SNX29: variants seen among roughly 807,000 people sequenced by gnomAD.
SNX29 encodes sorting nexin-29.
A neutral mutation model predicts 102.1 loss-of-function variants in SNX29; 78 were observed. That is an observed-to-expected ratio of 0.76 (90% CI 0.64 to 0.92). SNX29 has a LOEUF of 0.92. SNX29 is among the 40% of genes least tolerant of loss of function. SNX29 has a pLI of 0.00. For missense variants in SNX29, 1,280 were observed against 1,061.7 expected (o/e 1.21, Z -2.86); for synonymous variants, 580 against 414.5 (o/e 1.40, Z -4.85).
In SNX29 at chr16:12,570,137, C is replaced by A. The variant is rs539522397; in HGVS notation, c.*1508C>A. On this transcript the variant is annotated 3_prime_UTR_variant, in exon 21 of 21. Transcript: ENST00000566228. ...GATTGTTCATGGCCTTTAAGGAAGG[C>A]TGAGATCACTCACACACAGCGCCCC... 1.9e-6 allele frequency: 2 copies of A among 1,057,944 alleles called. No homozygotes were observed. Among genetic ancestry groups the A allele is most frequent in the Non-Finnish European group, 2.3e-6 (2 of 872,846 alleles). The allele number at this position is 1,057,944 out of a possible 1,614,324, so 65.5% of individuals were successfully genotyped here.
intron 3 of SNX29, among the ~76,000 whole-genome samples, chr16:12,019,643 T>C (rs1490731626): frequency 6.6e-6 from 1 of 151,208 alleles, no homozygotes; most frequent in Non-Finnish European, 1.5e-5. Context: ...TATAATTTTT[T>C]TTTTTTTTTG....
rs187773327 is a variant in SNX29, at chr16:12,530,845, C to T, written c.2318+6004C>T. Among the ~76,000 whole-genome samples the T allele has an allele frequency of 9.2e-5, 14 of 152,320 alleles. No individual in the cohort carries two copies. The South Asian group carries it at 2.3e-3, about 25-fold the overall frequency. The stretch of plus-strand genomic sequence containing the variant: ...TGCTGGGATTACAGGCGTGAGCCAC[C>T]GTGCCTGGCCACCTTTCTTAATTTA... On this transcript the variant is annotated intron_variant, in intron 20 of 20. Transcript: ENST00000566228.
At chr16:12,165,873 T>C (rs8055714) in intron 13 of SNX29, among the ~76,000 whole-genome samples, 3 of 152,140 alleles carry the variant, frequency 2.0e-5, no homozygotes, top group Non-Finnish European at 2.9e-5. Context: ...CAGACTTTGA[T>C]TCCCTTCTGA....
chr16:12,323,796 T>C (rs556494057), intron 15 of SNX29, among the ~76,000 whole-genome samples: 3 of 152,316 alleles, frequency 2.0e-5, no homozygotes, highest in Admixed American at 6.5e-5. Flanking sequence ...TCATCTGTGA[T>C]GTGGACCTCC....
chr16:12,531,560 A>C (rs542948413), intron 20 of SNX29, among the ~76,000 whole-genome samples: 2 of 152,190 alleles, frequency 1.3e-5, no homozygotes, highest in South Asian at 4.1e-4. Flanking sequence ...GCAAGGGGGC[A>C]GCAGCGGCAT....
intron 9 of SNX29, among the ~76,000 whole-genome samples, chr16:12,064,027 G>A (rs982059450): frequency 6.6e-6 from 1 of 152,054 alleles, no homozygotes; most frequent in Non-Finnish European, 1.5e-5. Flanking sequence ...AGTTTTGAAT[G>A]TGTGTTCACA....
chr16:12,558,980 T>A (rs1279933655), intron 20 of SNX29, among the ~76,000 whole-genome samples: 1 of 152,178 alleles, frequency 6.6e-6, no homozygotes, highest in East Asian at 1.9e-4. Context: ...ATTCAGAGAC[T>A]TTAAAGAAAT....
chr16:12,555,933 C>CT (rs2078314267), intron 20 of SNX29, among the ~76,000 whole-genome samples: 1 of 152,176 alleles, frequency 6.6e-6, no homozygotes, highest in African/African-American at 2.4e-5. Flanking sequence ...GGTGTCAGGT[C>CT]TGTTTACATC....
At chr16:12,226,532 G>A (rs1481370007) in intron 14 of SNX29, among the ~76,000 whole-genome samples, 1 of 151,334 alleles carries the variant, frequency 6.6e-6, no homozygotes, top group Non-Finnish European at 1.5e-5. Flanking sequence ...TAGAAAGAGG[G>A]TTTGGGTTTC....
rs2079157589 is a variant in SNX29, at chr16:12,570,213, G to A, written c.*1584G>A. The A allele has an allele frequency of 1.6e-5, 17 of 1,065,124 alleles. No homozygotes were observed. Among genetic ancestry groups the A allele is most frequent in the Non-Finnish European group, 1.8e-5 (16 of 879,148 alleles). 66.0% of individuals were successfully genotyped at this position (1,065,124 alleles called of 1,614,324 possible). ...CTACATGACTTCCAAGGGGACCTGG[G>A]GCCAGATAAGCCCTGCCCCGGTGAG... On this transcript the variant is annotated 3_prime_UTR_variant, in exon 21 of 21. Coordinates refer to ENST00000566228, the MANE Select transcript of SNX29 (RefSeq NM_032167.5).
At chr16:12,249,625 A>G (rs2078363739) in intron 14 of SNX29, among the ~76,000 whole-genome samples, 2 of 152,212 alleles carry the variant, frequency 1.3e-5, no homozygotes, top group Admixed American at 6.5e-5. Flanking sequence ...ACCACTCTCT[A>G]TTGATAGGAC....
At chr16:12,242,629 CTCT>C (rs1271310577) in intron 14 of SNX29, among the ~76,000 whole-genome samples, 1 of 150,098 alleles carries the variant, frequency 6.7e-6, no homozygotes, top group Non-Finnish European at 1.5e-5. Context: ...CTCTCTTCTT[CTCT>C]TCTTCTTTTC....
intron 3 of SNX29, among the ~76,000 whole-genome samples, chr16:12,006,714 A>G (rs573642268): frequency 1.3e-5 from 2 of 151,776 alleles, no homozygotes; most frequent in Admixed American, 6.6e-5. Flanking sequence ...TCAACCTCCC[A>G]GGCTCAAGAT....
chr16:12,043,725 T>A (rs2049977821), intron 5 of SNX29, among the ~76,000 whole-genome samples: 1 of 143,632 alleles, frequency 7.0e-6, no homozygotes, highest in Admixed American at 7.1e-5. Flanking sequence ...AATTTTACAT[T>A]GGGGAAGGAA....
chr16:12,549,193 A>C (rs1463838345), intron 20 of SNX29, among the ~76,000 whole-genome samples: 1 of 151,872 alleles, frequency 6.6e-6, no homozygotes, highest in African/African-American at 2.4e-5. Context: ...GGGGCTAGGC[A>C]CCCCTCACGA....
intron 18 of SNX29, among the ~76,000 whole-genome samples, chr16:12,428,137 C>G (rs11647914): frequency 0.035 from 5,383 of 152,308 alleles, 158 homozygotes; most frequent in South Asian, 0.062. Context: ...TTCCCTGCCT[C>G]ATCACCCATC....
At chr16:12,000,665 A>G (rs1016283017) in intron 2 of SNX29, among the ~76,000 whole-genome samples, 1 of 152,180 alleles carries the variant, frequency 6.6e-6, no homozygotes, top group Non-Finnish European at 1.5e-5. Context: ...CTGGGACTAC[A>G]GGTGCATGCC....
intron 16 of SNX29, among the ~76,000 whole-genome samples, chr16:12,371,558 G>T (rs1334761445): frequency 6.6e-6 from 1 of 152,192 alleles, no homozygotes; most frequent in Non-Finnish European, 1.5e-5. Context: ...TCCTGCCTCA[G>T]CCTCCCAAAG....
chr16:12,570,853 G>A lies in SNX29; in HGVS notation c.*2224G>A, dbSNP rs1295526011. On this transcript the variant is annotated 3_prime_UTR_variant, in exon 21 of 21. Transcript: ENST00000566228. ...GCTCTCAGCTGGTATTGAACTGGTG[G>A]GAGAAACTGCCTCCTACTTTTATAA... is the stretch of plus-strand genomic sequence containing the variant. The A allele has an allele frequency of 5.2e-5, 12 of 231,912 alleles. No individual in the cohort carries two copies. The highest frequency in any genetic ancestry group is 1.7e-4 in the Admixed American group (3 of 17,734). The allele number at this position is 231,912 out of a possible 1,614,324, so 14.4% of individuals were successfully genotyped here. A position where few individuals can be genotyped will look rare whatever the true frequency, so the allele number is the denominator to read the frequency against.
Sources: allele counts gnomAD v4.1 joint callset (sites outside exome capture counted in the v4.1 genomes callset), GRCh38; gene constraint gnomAD v4.1.1; transcripts MANE v1.5; gene names NCBI Gene and HGNC (gene_info 2026-07-23, HGNC 2026-07-21).